The following PTPRU variants were observed in gnomAD, a reference collection of about 807,000 sequenced individuals.
PTPRU encodes the protein protein tyrosine phosphatase receptor type U.
A neutral mutation model predicts 166.3 loss-of-function variants in PTPRU; 69 were observed. The observed-to-expected ratio is 0.41, with a 90% CI of 0.34 to 0.51. The LOEUF (loss-of-function observed/expected upper bound fraction) is 0.51. PTPRU is among the 20% of genes least tolerant of loss of function. The probability of loss-of-function intolerance (pLI) is 0.09; values close to 1 mark genes in which losing one functional copy is unlikely to be tolerated. For missense variants in PTPRU, 1,657 were observed against 2,013.7 expected, an observed-to-expected ratio of 0.82 and a Z score of 3.39; for synonymous variants, 793 against 814.0, an observed-to-expected ratio of 0.97 and a Z score of 0.44.
rs1315362007 is a variant in PTPRU, at chr1:29,311,665, C to T, written c.2978C>T (p.Pro993Leu). The T allele has an allele frequency of 6.2e-6, 10 of 1,614,168 alleles. No individual in the cohort carries two copies. The highest frequency in any genetic ancestry group is 2.7e-5 in the African/African-American group (2 of 75,052). Reference sequence around the variant, plus strand: ...TAGGTGAAATGCTCACGGTACTGGCCGGAGGACTCAGACACCTACGGGGAC... The same window carrying T: ...TAGGTGAAATGCTCACGGTACTGGCTGGAGGACTCAGACACCTACGGGGAC... ...VGRVKCSRYW[P>L]EDSDTYGDIK... Residue 993 changes from proline (P) to leucine (L), a missense_variant, in exon 21 of 30, where the codon CCG (proline) becomes CTG (leucine). Transcript: ENST00000373779. The surrounding 1 kb of genome is among the most constrained non-coding windows in gnomAD (Gnocchi z 4.1).
rs1687682548 is a variant in PTPRU, at chr1:29,311,877, GC to G, written c.3072+119del. 3 of 1,008,372 alleles carry G rather than the reference GC, an allele frequency of 3.0e-6. No homozygotes were observed. The South Asian group carries it at 4.6e-5, about 15-fold the overall frequency. 62.5% of individuals were successfully genotyped at this position (1,008,372 alleles called of 1,614,324 possible). A position where few individuals can be genotyped will look rare whatever the true frequency, so the allele number is the denominator to read the frequency against. On this transcript the variant is annotated intron_variant, in intron 21 of 29. Coordinates refer to ENST00000373779, the MANE Select transcript of PTPRU (RefSeq NM_133178.4). This position sits in a 1 kb window ranked among gnomAD's most constrained non-coding sequence, Gnocchi z 4.1. ...GAGGAGCGCACCACTGCCCATCCCAGCAAGGAAGCTACTTGGTCACTGTTGG... is the reference window on the plus strand; with the variant it reads ...GAGGAGCGCACCACTGCCCATCCCAGAAGGAAGCTACTTGGTCACTGTTGG...
At chr1:29,313,864 A>G (rs1042288571) in intron 22 of PTPRU, among the ~76,000 whole-genome samples, 1 of 151,110 alleles carries the variant, frequency 6.6e-6, no homozygotes, top group Non-Finnish European at 1.5e-5. Flanking sequence ...CTAAAAAAAA[A>G]TTTTTTTTTA....
intron 7 of PTPRU, among the ~76,000 whole-genome samples, chr1:29,270,672 C>T (rs944904574): frequency 3.9e-5 from 6 of 152,144 alleles, no homozygotes; most frequent in Non-Finnish European, 8.8e-5. Flanking sequence ...CCTGAAGCCA[C>T]AGAACTATGG....
In PTPRU at chr1:29,279,031, C is replaced by A; in HGVS notation, c.1473C>A (p.Ala491=). 1 of 1,588,858 alleles carries A rather than the reference C, an allele frequency of 6.3e-7. No homozygotes were observed. Among genetic ancestry groups the A allele is most frequent in the Non-Finnish European group, 8.6e-7 (1 of 1,167,168 alleles). The change falls in exon 9 of 30, where the codon GCC becomes GCA. Residue 491 remains alanine, a synonymous_variant. Coordinates refer to ENST00000373779, the MANE Select transcript of PTPRU (RefSeq NM_133178.4). The surrounding 1 kb of genome is among the most constrained non-coding windows in gnomAD (Gnocchi z 5.2). Reference sequence around the variant, plus strand: ...TTGCAGTGCCCAGTGGGATTGCAGCCGAGTCCCTGACCTTCACTCCACTGG... The same window carrying A: ...TTGCAGTGCCCAGTGGGATTGCAGCAGAGTCCCTGACCTTCACTCCACTGG... ...TDEDVPSGIA[A]ESLTFTPLED...
rs113514053 is a variant in PTPRU at position 29,272,010 on chromosome 1, C to T, written c.1145-3438C>T. ...GACAGTGCACACAGGGCAGCCACCTCGGCTCTTGTAGACTCCCAGGACAGT... is the reference window on the plus strand; with the variant it reads ...GACAGTGCACACAGGGCAGCCACCTTGGCTCTTGTAGACTCCCAGGACAGT... On this transcript the variant is annotated intron_variant, in intron 7 of 29. Transcript: ENST00000373779. Among the ~76,000 whole-genome samples, 158 of 152,232 alleles carry T rather than the reference C, an allele frequency of 1.0e-3. 2 individuals carry two copies. Among genetic ancestry groups the T allele is most frequent in the African/African-American group, 3.6e-3 (148 of 41,526 alleles).
chr1:29,323,914 T>C lies in PTPRU; in HGVS notation c.4112+126T>C, dbSNP rs1688285085. 18 of 1,226,918 alleles carry C rather than the reference T, an allele frequency of 1.5e-5. No individual in the cohort carries two copies. In the South Asian group the frequency reaches 2.8e-4, roughly 19 times the overall value. 76.0% of individuals were successfully genotyped at this position (1,226,918 alleles called of 1,614,324 possible). ...GCACCGAAACCCCTGGGCTCTTAGATGGCTGTGGCCAGGATGCTGCCCAAC... is the reference window on the plus strand; with the variant it reads ...GCACCGAAACCCCTGGGCTCTTAGACGGCTGTGGCCAGGATGCTGCCCAAC... On this transcript the variant is annotated intron_variant, in intron 28 of 29. Coordinates refer to ENST00000373779, the MANE Select transcript of PTPRU (RefSeq NM_133178.4).
At chr1:29,316,854 A>G (rs560071395) in intron 24 of PTPRU, among the ~76,000 whole-genome samples, 2 of 152,096 alleles carry the variant, frequency 1.3e-5, no homozygotes, top group Non-Finnish European at 2.9e-5. Context: ...GGCTCTGGTC[A>G]CATGCCCAAG....
intron 25 of PTPRU, among the ~76,000 whole-genome samples, chr1:29,319,498 G>C (rs979009617): frequency 6.6e-6 from 1 of 152,290 alleles, no homozygotes; most frequent in Admixed American, 6.5e-5. Flanking sequence ...CCCTGAACTC[G>C]TCAGTGAGGG....
chr1:29,285,683 T>TTA (rs761442340), intron 14 of PTPRU, among the ~76,000 whole-genome samples: 1 of 152,222 alleles, frequency 6.6e-6, no homozygotes, highest in Non-Finnish European at 1.5e-5. Context: ...TTTCAAATCT[T>TTA]TTTAAAGAAA....
Position 29,279,070 on chromosome 1 carries a change from C to T in PTPRU, c.1512C>T (p.Phe504=). The T allele has an allele frequency of 6.3e-7, 1 of 1,592,538 alleles. No individual in the cohort carries two copies. The highest frequency in any genetic ancestry group is 8.6e-7 in the Non-Finnish European group (1 of 1,169,078). Residue 504 remains phenylalanine, a synonymous_variant, in exon 9 of 30, where the codon TTC becomes TTT. Transcript: ENST00000373779. This position sits in a 1 kb window ranked among gnomAD's most constrained non-coding sequence, Gnocchi z 5.2. ...TCACTCCACTGGAGGACATGATCTT[C>T]CTCAAGTGGGAGGAGCCCCAGGAGC... ...LTFTPLEDMI[F]LKWEEPQEPN...
chr1:29,324,467 G>A (rs992641465), intron 28 of PTPRU, among the ~76,000 whole-genome samples: 5 of 152,206 alleles, frequency 3.3e-5, no homozygotes, highest in African/African-American at 9.6e-5. Flanking sequence ...GGAGAGGCAC[G>A]GAGGGGATGG....
At chr1:29,295,692 CT>C (rs34640557) in intron 15 of PTPRU, among the ~76,000 whole-genome samples, 11 of 148,228 alleles carry the variant, frequency 7.4e-5, no homozygotes, top group East Asian at 2.0e-4. Context: ...ATTCATACTT[CT>C]TTTTTTTTTG....
intron 15 of PTPRU, among the ~76,000 whole-genome samples, chr1:29,301,199 C>G (rs1574691597): frequency 6.6e-6 from 1 of 152,280 alleles, no homozygotes; most frequent in African/African-American, 2.4e-5. Context: ...GGAGGAGGGA[C>G]ATGCGTACAA....
chr1:29,302,126 C>T (rs1329130959), intron 15 of PTPRU, among the ~76,000 whole-genome samples: 2 of 149,746 alleles, frequency 1.3e-5, no homozygotes, highest in Non-Finnish European at 3.0e-5. Context: ...TGATCCTGAC[C>T]CTGTGCAGGC....
Position 29,260,645 on chromosome 1 carries a change from C to T in PTPRU, c.886C>T (p.Arg296Cys), listed in dbSNP as rs764943961. 1.3e-6 allele frequency: 2 copies of T among 1,508,524 alleles called. No homozygotes were observed. Among genetic ancestry groups the T allele is most frequent in the East Asian group, 2.5e-5 (1 of 40,106 alleles). 93.4% of individuals were successfully genotyped at this position (1,508,524 alleles called of 1,614,324 possible). A position where few individuals can be genotyped will look rare whatever the true frequency, so the allele number is the denominator to read the frequency against. Residue 296 changes from arginine (R) to cysteine (C), a missense_variant, in exon 7 of 30, where the codon CGT becomes TGT. Physicochemically the swap from Arg to Cys is radical, Grantham distance 180. Coordinates refer to ENST00000373779, the MANE Select transcript of PTPRU (RefSeq NM_133178.4). This position sits in a 1 kb window ranked among gnomAD's most constrained non-coding sequence, Gnocchi z 8.3. ...TCCCATCGCGCCCCCACAGCTGCTG[C>T]GTGCTGGCCCCACCTACCTCATCAT... The part of the protein sequence containing the change: ...PTPIAPPQLL[R>C]AGPTYLIIQL...
rs561119470 is a variant in PTPRU at position 29,275,940 on chromosome 1, A to G, written c.1453+184A>G. ...GAAGACTTTGGGTTAGATTGGTCTA[A>G]TTTCTTTCCTTAAGTGTTTGAAAGA... On this transcript the variant is annotated intron_variant, in intron 8 of 29. Coordinates refer to ENST00000373779, the MANE Select transcript of PTPRU (RefSeq NM_133178.4). Among the ~76,000 whole-genome samples, 10 of 152,312 alleles carry G rather than the reference A, an allele frequency of 6.6e-5. No homozygotes were observed. In the South Asian group the frequency reaches 2.1e-3, roughly 32 times the overall value.
chr1:29,304,178 C>G (rs1439669093), intron 16 of PTPRU, 133 bp downstream of exon 16: 4 of 1,064,480 alleles, frequency 3.8e-6, no homozygotes, highest in South Asian at 1.9e-5. Flanking sequence ...CCAACTCAAC[C>G]TTTTTGACCT....
intron 1 of PTPRU, among the ~76,000 whole-genome samples, chr1:29,241,466 G>A (rs763125172): frequency 4.6e-5 from 7 of 152,048 alleles, no homozygotes; most frequent in Admixed American, 6.5e-5. Flanking sequence ...GTCCCCAAGT[G>A]TCCGGGTATC....
intron 8 of PTPRU, among the ~76,000 whole-genome samples, chr1:29,278,789 G>A (rs1685927184): frequency 6.6e-6 from 1 of 152,242 alleles, no homozygotes; most frequent in South Asian, 2.1e-4. Context: ...TGAACCATAT[G>A]CAATTGCTGA....
Sources: allele counts gnomAD v4.1 joint callset (sites outside exome capture counted in the v4.1 genomes callset), GRCh38; gene constraint gnomAD v4.1.1; non-coding constraint Gnocchi (gnomAD v3.1); transcripts MANE v1.5; gene names NCBI Gene and HGNC (gene_info 2026-07-23, HGNC 2026-07-21).